SH3GL3: variants seen among roughly 807,000 people sequenced by gnomAD.
SH3GL3 encodes the protein SH3 domain containing GRB2 like 3, endophilin A3.
Under a neutral mutation model 47.7 loss-of-function variants are expected in SH3GL3, and 33 were observed. That is an observed-to-expected ratio of 0.69 (90% CI 0.52 to 0.92). SH3GL3 has a LOEUF of 0.92. Among genes scored for constraint, SH3GL3 ranks in the 40% least tolerant of loss-of-function variants. The pLI, the probability that SH3GL3 is intolerant of heterozygous loss-of-function variation, is 0.00. For missense variants in SH3GL3, 363 were observed against 417.8 expected, an observed-to-expected ratio of 0.87 and a Z score of 1.14; for synonymous variants, 155 against 148.8, an observed-to-expected ratio of 1.04 and a Z score of -0.30.
At chr15:83,546,749 C>A (rs189032861) in intron 1 of SH3GL3, among the ~76,000 whole-genome samples, 1 of 152,254 alleles carries the variant, frequency 6.6e-6, no homozygotes, top group Admixed American at 6.5e-5. Context: ...GGCCCAAGGG[C>A]TCATTAGTCA....
rs138298848 is a variant in SH3GL3 at position 83,486,786 on chromosome 15, G to A, written c.45+39208G>A. ...AACAGATGTTTATTTTTCAGTTATGGAGGCTGGGAAGTCCAAGATCAAGGC... is the reference window on the plus strand; with the variant it reads ...AACAGATGTTTATTTTTCAGTTATGAAGGCTGGGAAGTCCAAGATCAAGGC... On this transcript the variant is annotated intron_variant, in intron 1 of 8. Transcript: ENST00000427482. 2.6e-4 allele frequency among the ~76,000 whole-genome samples: 39 copies of A among 152,266 alleles called. No individual in the cohort carries two copies. In the East Asian group the frequency reaches 6.8e-3, roughly 26 times the overall value.
At chr15:83,596,835 T>G (rs1458548147) in intron 8 of SH3GL3, among the ~76,000 whole-genome samples, 1 of 152,088 alleles carries the variant, frequency 6.6e-6, no homozygotes, top group African/African-American at 2.4e-5. Flanking sequence ...CTTTTTGCCC[T>G]TGTAAACAAC....
chr15:83,478,924 A>G (rs577057342), intron 1 of SH3GL3, among the ~76,000 whole-genome samples: 8 of 152,378 alleles, frequency 5.3e-5, no homozygotes, highest in African/African-American at 1.7e-4. Context: ...TCTGCTTCTT[A>G]AAACCAAATG....
rs186274140 is a variant in SH3GL3 at position 83,487,846 on chromosome 15, T to C, written c.45+40268T>C. Among the ~76,000 whole-genome samples the C allele has an allele frequency of 3.9e-5, 6 of 151,976 alleles. No individual in the cohort carries two copies. The East Asian group carries it at 1.2e-3, about 29-fold the overall frequency. On this transcript the variant is annotated intron_variant, in intron 1 of 8. Transcript: ENST00000427482. ...TCTCTCACTATCCATTTTTTTTTCT[T>C]TCTTTTTTTAATTTTCTTTTCTTTT...
intron 1 of SH3GL3, among the ~76,000 whole-genome samples, chr15:83,487,537 A>G (rs2041659398): frequency 6.6e-6 from 1 of 152,190 alleles, no homozygotes; most frequent in South Asian, 2.1e-4. Context: ...TCTATGTGCA[A>G]GAATGTTTTT....
At chr15:83,458,600 C>G (rs1231621770) in intron 1 of SH3GL3, among the ~76,000 whole-genome samples, 1 of 152,142 alleles carries the variant, frequency 6.6e-6, no homozygotes, top group Non-Finnish European at 1.5e-5. Flanking sequence ...CCTTGTCCAC[C>G]TTTCTTTCTT....
intron 1 of SH3GL3, among the ~76,000 whole-genome samples, chr15:83,477,073 C>T (rs959077915): frequency 6.6e-6 from 1 of 152,154 alleles, no homozygotes; most frequent in Non-Finnish European, 1.5e-5. Flanking sequence ...CTTACTTGGC[C>T]ATCACACACC....
intron 1 of SH3GL3, among the ~76,000 whole-genome samples, chr15:83,539,527 C>T (rs978583297): frequency 1.3e-5 from 2 of 152,158 alleles, no homozygotes; most frequent in Admixed American, 6.5e-5. Context: ...TAGCAGAAAT[C>T]TTCTTTTTGT....
chr15:83,531,937 G>A lies in SH3GL3; in HGVS notation c.46-27316G>A, dbSNP rs117345574. Reference sequence around the variant, plus strand: ...CTATGCAGCATTTGTGGCTCTGAAGGTTTTTATTTGGAAGGTGTTGATTGA... The same window carrying A: ...CTATGCAGCATTTGTGGCTCTGAAGATTTTTATTTGGAAGGTGTTGATTGA... On this transcript the variant is annotated intron_variant, in intron 1 of 8. Coordinates refer to ENST00000427482, the MANE Select transcript of SH3GL3 (RefSeq NM_003027.5). Among the ~76,000 whole-genome samples, 389 of 152,246 alleles carry A rather than the reference G, an allele frequency of 2.6e-3. 2 individuals are homozygous for A. The highest frequency in any genetic ancestry group is 4.6e-3 in the Non-Finnish European group (313 of 68,006).
intron 8 of SH3GL3, among the ~76,000 whole-genome samples, chr15:83,617,365 C>G (rs2060851447): frequency 6.6e-6 from 1 of 152,166 alleles, no homozygotes; most frequent in Admixed American, 6.5e-5. Context: ...GAGTGATACA[C>G]ACTTCATATT....
At chr15:83,487,744 GT>G (rs1485289965) in intron 1 of SH3GL3, among the ~76,000 whole-genome samples, 1 of 152,104 alleles carries the variant, frequency 6.6e-6, no homozygotes, top group African/African-American at 2.4e-5. Flanking sequence ...GGCTGAGCTG[GT>G]GGCACCACCA....
chr15:83,562,138 TTTG>T (rs563001763), intron 2 of SH3GL3, among the ~76,000 whole-genome samples: 105 of 151,442 alleles, frequency 6.9e-4, no homozygotes, highest in Non-Finnish European at 1.2e-3. Flanking sequence ...TACATGAGTT[TTTG>T]TTGTTGTTTT....
At chr15:83,620,200 T>C (rs1016229444), downstream of SH3GL3, among the ~76,000 whole-genome samples, 1 of 152,226 alleles carries the variant, frequency 6.6e-6, no homozygotes, top group Admixed American at 6.5e-5. Context: ...TCTTAAGCCC[T>C]TCAAAGTCAT....
chr15:83,545,213 A>G (rs1036439350), intron 1 of SH3GL3, among the ~76,000 whole-genome samples: 1 of 151,908 alleles, frequency 6.6e-6, no homozygotes, highest in East Asian at 1.9e-4. Context: ...TCTATTCTTT[A>G]TTATTCTTTT....
At chr15:83,514,192 T>C (rs2042887803) in intron 1 of SH3GL3, among the ~76,000 whole-genome samples, 1 of 152,240 alleles carries the variant, frequency 6.6e-6, no homozygotes, top group South Asian at 2.1e-4. Context: ...CACTCCCCAC[T>C]TTCCAGAACA....
intron 1 of SH3GL3, among the ~76,000 whole-genome samples, chr15:83,499,692 C>T (rs1473457313): frequency 6.6e-6 from 1 of 152,196 alleles, no homozygotes; most frequent in Non-Finnish European, 1.5e-5. Flanking sequence ...GAAATGACCA[C>T]TGAATGGTAA....
chr15:83,584,477 C>G (rs1021378684), intron 6 of SH3GL3, among the ~76,000 whole-genome samples: 1 of 152,070 alleles, frequency 6.6e-6, no homozygotes, highest in East Asian at 1.9e-4. Flanking sequence ...TACCTCAGGC[C>G]CCCTCTGGTT....
chr15:83,627,943 G>A, the SH3GL3 span, among the ~76,000 whole-genome samples: 2 of 152,152 alleles, frequency 1.3e-5, no homozygotes, highest in African/African-American at 2.4e-5. Context: ...TACTTAGGAT[G>A]AGGGCCTATA....
At chr15:83,497,292 C>T (rs1178104941) in intron 1 of SH3GL3, among the ~76,000 whole-genome samples, 1 of 152,156 alleles carries the variant, frequency 6.6e-6, no homozygotes, top group Non-Finnish European at 1.5e-5. Flanking sequence ...TTTACTGACA[C>T]TTACCTTGAG....
Sources: allele counts gnomAD v4.1 joint callset (sites outside exome capture counted in the v4.1 genomes callset), GRCh38; gene constraint gnomAD v4.1.1; transcripts MANE v1.5; gene names NCBI Gene and HGNC (gene_info 2026-07-23, HGNC 2026-07-21).